The following ANK3 variants were observed in gnomAD, a reference collection of about 807,000 sequenced individuals.
The protein encoded by ANK3 is ankyrin 3.
Under a neutral mutation model 370.9 loss-of-function variants are expected in ANK3, and 57 were observed. The observed-to-expected ratio is 0.15, with a 90% CI of 0.12 to 0.19. ANK3 has a LOEUF of 0.19. Among genes scored for constraint, ANK3 ranks in the 10% least tolerant of loss-of-function variants. The pLI is 1.00. For synonymous variants in ANK3, 1,929 were observed against 1,946.3 expected (o/e 0.99, Z 0.23); for missense variants, 4,439 against 5,302.1 (o/e 0.84, Z 5.06).
At chr10:60,383,798 C>T (rs2061872309) in intron 1 of ANK3, among the ~76,000 whole-genome samples, 1 of 152,172 alleles carries the variant, frequency 6.6e-6, no homozygotes, top group Non-Finnish European at 1.5e-5. Flanking sequence ...AAACCTTACT[C>T]TTGCCTGGCA....
intron 8 of ANK3, among the ~76,000 whole-genome samples, chr10:60,217,057 G>C (rs964575228): frequency 1.3e-5 from 2 of 152,076 alleles, no homozygotes; most frequent in African/African-American, 4.8e-5. Flanking sequence ...TTCCATAAAG[G>C]TGTTTATAGT....
intron 23 of ANK3, among the ~76,000 whole-genome samples, chr10:60,160,125 A>G (rs1276502996): frequency 6.6e-6 from 1 of 151,596 alleles, no homozygotes; most frequent in African/African-American, 2.4e-5. Context: ...CAAGACAAAA[A>G]GTTGGTTTTT....
chr10:60,388,103 A>G (rs2062668508), intron 1 of ANK3, among the ~76,000 whole-genome samples: 5 of 152,182 alleles, frequency 3.3e-5, no homozygotes, highest in Admixed American at 1.3e-4. Context: ...ATTTCATAAC[A>G]ACTGTGCTGT....
chr10:60,191,806 A>G (rs1438554642), intron 16 of ANK3, among the ~76,000 whole-genome samples: 2 of 152,242 alleles, frequency 1.3e-5, no homozygotes, highest in Non-Finnish European at 2.9e-5. Flanking sequence ...TGTTCATTGC[A>G]GCACCATTCA....
intron 1 of ANK3, among the ~76,000 whole-genome samples, chr10:60,318,319 C>T (rs1403370208): frequency 6.6e-6 from 1 of 152,118 alleles, no homozygotes; most frequent in Non-Finnish European, 1.5e-5. Flanking sequence ...CCTAGAGTGC[C>T]CTTCTTAACA....
intron 2 of ANK3, among the ~76,000 whole-genome samples, chr10:60,395,626 C>CAT (rs1387681089): frequency 1.4e-5 from 1 of 71,222 alleles, no homozygotes; most frequent in African/African-American, 5.6e-5. Context: ...CGTTCTCTCT[C>CAT]TCTCTCTCTC....
At chr10:60,111,666 C>T (rs2092716868) in intron 26 of ANK3, 2 of 446,394 alleles carry the variant, frequency 4.5e-6, no homozygotes, top group Non-Finnish European at 9.0e-6. Context: ...CACGATCTAA[C>T]TATGGCAAAA....
At chr10:60,650,454 G>A (rs2078773119) in intron 1 of ANK3, among the ~76,000 whole-genome samples, 2 of 150,918 alleles carry the variant, frequency 1.3e-5, no homozygotes, top group Admixed American at 1.3e-4. Context: ...AGGTGAATAA[G>A]ATCCATGCCC....
chr10:60,221,894 G>A (rs932736264), intron 8 of ANK3, among the ~76,000 whole-genome samples: 2 of 152,154 alleles, frequency 1.3e-5, no homozygotes, highest in African/African-American at 2.4e-5. Context: ...GACTCAGTAG[G>A]GAAAGGTGAC....
At chr10:60,139,296 G>C (rs1314435231) in intron 23 of ANK3, 1 of 507,660 alleles carries the variant, frequency 2.0e-6, no homozygotes, top group Non-Finnish European at 3.4e-6. Context: ...TTTAAGTAGC[G>C]GAAACAACTC....
At chr10:60,426,648 G>C (rs1336413691) in intron 2 of ANK3, among the ~76,000 whole-genome samples, 1 of 151,982 alleles carries the variant, frequency 6.6e-6, no homozygotes, top group Non-Finnish European at 1.5e-5. Context: ...AGTGCTTTTA[G>C]CTCTTATAAA....
chr10:60,324,820 T>C (rs151109003), intron 1 of ANK3, among the ~76,000 whole-genome samples: 11 of 152,142 alleles, frequency 7.2e-5, no homozygotes, highest in Non-Finnish European at 1.5e-4. Flanking sequence ...GTTGTGTTTA[T>C]TGTGGCCACT....
At chr10:60,095,867 T>C (rs1044485165) in intron 28 of ANK3, among the ~76,000 whole-genome samples, 3 of 152,188 alleles carry the variant, frequency 2.0e-5, no homozygotes, top group Non-Finnish European at 4.4e-5. Flanking sequence ...AAGTTTTGTA[T>C]TACATATTTT....
intron 43 of ANK3, among the ~76,000 whole-genome samples, chr10:60,034,354 C>T (rs555797754): frequency 3.2e-4 from 48 of 152,046 alleles, no homozygotes; most frequent in Non-Finnish European, 5.6e-4. Context: ...GTGATCTGCC[C>T]GCCTCAACCT....
At chr10:60,690,703 T>TAAC (rs2079339626) in intron 1 of ANK3, among the ~76,000 whole-genome samples, 2 of 152,032 alleles carry the variant, frequency 1.3e-5, no homozygotes, top group African/African-American at 2.4e-5. Context: ...CTGGTAAAAA[T>TAAC]AACCAAAAAA....
At chr10:60,362,832 G>A (rs964143108) in intron 1 of ANK3, among the ~76,000 whole-genome samples, 4 of 152,118 alleles carry the variant, frequency 2.6e-5, no homozygotes, top group Non-Finnish European at 5.9e-5. Context: ...CAGTCTAGTT[G>A]ATGATGACCG....
intron 7 of ANK3, among the ~76,000 whole-genome samples, chr10:60,236,097 G>A (rs959570784): frequency 6.6e-6 from 1 of 151,848 alleles, no homozygotes; most frequent in Non-Finnish European, 1.5e-5. Flanking sequence ...TCCTTACCCT[G>A]GTTCAGTAAA....
chr10:60,093,316 CA>C (rs1236018345), intron 28 of ANK3, among the ~76,000 whole-genome samples: 2 of 152,128 alleles, frequency 1.3e-5, no homozygotes, highest in African/African-American at 4.8e-5. Flanking sequence ...TCACTTCAGC[CA>C]CAAAGATGTC....
chr10:60,391,042 C>A (rs1190503954), upstream of ANK3, among the ~76,000 whole-genome samples: 1 of 152,170 alleles, frequency 6.6e-6, no homozygotes, highest in African/African-American at 2.4e-5. Flanking sequence ...ACTCACCATA[C>A]TTCTAGATTT....
Sources: gnomAD v4.1 joint callset for allele counts (sites outside exome capture counted in the v4.1 genomes callset) on GRCh38, gnomAD v4.1.1 for gene constraint, MANE v1.5 for transcripts, NCBI Gene and HGNC (gene_info 2026-07-23, HGNC 2026-07-21) for gene names.